Variants in KCNT2 observed in about 807,000 individuals in gnomAD.
KCNT2 encodes the protein potassium sodium-activated channel subfamily T member 2.
A neutral mutation model predicts 153.8 loss-of-function variants in KCNT2; 67 were observed. The ratio of observed to expected loss-of-function variants is 0.44; its 90% CI spans 0.36 to 0.53. The LOEUF (loss-of-function observed/expected upper bound fraction) is 0.53, where lower values mean the gene tolerates loss of function less well. KCNT2 is among the 20% of genes least tolerant of loss of function. The pLI, the probability that KCNT2 is intolerant of heterozygous loss-of-function variation, is 0.00. For missense variants in KCNT2, 975 were observed against 1,354.8 expected, an observed-to-expected ratio of 0.72 and a Z score of 4.40; for synonymous variants, 500 against 458.8, an observed-to-expected ratio of 1.09 and a Z score of -1.15.
chr1:196,497,184 T>C (rs1377167370), intron 1 of KCNT2, among the ~76,000 whole-genome samples: 1 of 152,188 alleles, frequency 6.6e-6, no homozygotes, highest in Non-Finnish European at 1.5e-5. Flanking sequence ...ATTCAACTAG[T>C]TGCAGATAGG....
chr1:196,538,586 A>G (rs1655923069), intron 1 of KCNT2, among the ~76,000 whole-genome samples: 1 of 152,178 alleles, frequency 6.6e-6, no homozygotes, highest in Non-Finnish European at 1.5e-5. Flanking sequence ...GCATGAGCTC[A>G]GGTGGGTGAT....
At chr1:196,370,898 A>G (rs1315158827) in intron 14 of KCNT2, among the ~76,000 whole-genome samples, 1 of 152,122 alleles carries the variant, frequency 6.6e-6, no homozygotes, top group Non-Finnish European at 1.5e-5. Flanking sequence ...GCATATTACA[A>G]TATGAATGAA....
At chr1:196,506,772 T>A (rs535389259) in intron 1 of KCNT2, among the ~76,000 whole-genome samples, 5 of 152,282 alleles carry the variant, frequency 3.3e-5, no homozygotes, top group South Asian at 2.1e-4. Context: ...ATAATTTAAT[T>A]CATTAACAGG....
intron 1 of KCNT2, among the ~76,000 whole-genome samples, chr1:196,496,856 G>A (rs565113743): frequency 6.6e-6 from 1 of 152,276 alleles, no homozygotes; most frequent in Admixed American, 6.5e-5. Context: ...GCATATGGGA[G>A]GAAACTGCAG....
At chr1:196,357,687 G>A (rs1224240677) in intron 14 of KCNT2, among the ~76,000 whole-genome samples, 1 of 151,872 alleles carries the variant, frequency 6.6e-6, no homozygotes, top group Admixed American at 6.6e-5. Context: ...ATGGCTAGTA[G>A]AGGTAGTATT....
chr1:196,556,267 A>G (rs1658645201), intron 1 of KCNT2, among the ~76,000 whole-genome samples: 1 of 151,476 alleles, frequency 6.6e-6, no homozygotes, highest in Admixed American at 6.6e-5. Context: ...AGAGATTAAT[A>G]ACCAAAATAT....
chr1:196,333,614 G>A (rs1392741270), intron 17 of KCNT2, among the ~76,000 whole-genome samples: 2 of 152,022 alleles, frequency 1.3e-5, no homozygotes, highest in South Asian at 4.1e-4. Context: ...AGAGCAAAAT[G>A]AGACTGGAAA....
At chr1:196,428,831 T>A (rs1193146450) in intron 9 of KCNT2, among the ~76,000 whole-genome samples, 1 of 152,100 alleles carries the variant, frequency 6.6e-6, no homozygotes, top group Non-Finnish European at 1.5e-5. Context: ...CAAGTTTGAT[T>A]TGCATTTCCC....
intron 13 of KCNT2, among the ~76,000 whole-genome samples, chr1:196,376,576 T>G (rs1668986532): frequency 2.0e-5 from 3 of 151,938 alleles, no homozygotes; most frequent in Admixed American, 2.0e-4. Flanking sequence ...CAAACTCTGA[T>G]GTTCTTTCCT....
intron 1 of KCNT2, among the ~76,000 whole-genome samples, chr1:196,549,902 C>A (rs539001005): frequency 6.6e-6 from 1 of 151,826 alleles, no homozygotes; most frequent in Non-Finnish European, 1.5e-5. Context: ...CTCTAAGTTT[C>A]GGATGCCTTA....
At chr1:196,562,368 A>T (rs1659527472) in intron 1 of KCNT2, among the ~76,000 whole-genome samples, 1 of 151,928 alleles carries the variant, frequency 6.6e-6, no homozygotes, top group Non-Finnish European at 1.5e-5. Flanking sequence ...AAAAGGAAGG[A>T]GGGTATGTTG....
chr1:196,411,461 A>AC (rs1038265538), intron 12 of KCNT2, among the ~76,000 whole-genome samples: 2 of 149,946 alleles, frequency 1.3e-5, no homozygotes, highest in African/African-American at 2.5e-5. Flanking sequence ...AAAAAAAAAA[A>AC]AAAAAAAACG....
intron 5 of KCNT2, among the ~76,000 whole-genome samples, chr1:196,478,126 T>C (rs919024968): frequency 6.6e-6 from 1 of 152,252 alleles, no homozygotes; most frequent in African/African-American, 2.4e-5. Flanking sequence ...ATTAGAATGC[T>C]ATGAATTTCC....
At chr1:196,569,646 G>A (rs1404026208) in intron 1 of KCNT2, among the ~76,000 whole-genome samples, 1 of 152,022 alleles carries the variant, frequency 6.6e-6, no homozygotes. Flanking sequence ...TGCTGAGGGA[G>A]TTCAGACTTC....
At chr1:196,345,175 C>T in intron 14 of KCNT2, among the ~76,000 whole-genome samples, 1 of 152,002 alleles carries the variant, frequency 6.6e-6, no homozygotes, top group Admixed American at 6.6e-5. Flanking sequence ...TGGGAGAGGG[C>T]CAACAATAAA....
At chr1:196,303,600 T>C (rs1661380554) in intron 22 of KCNT2, among the ~76,000 whole-genome samples, 1 of 152,198 alleles carries the variant, frequency 6.6e-6, no homozygotes. Flanking sequence ...TAGTACCATT[T>C]ATTTGAGTAC....
chr1:196,237,937 C>T (rs752413976), intron 26 of KCNT2, among the ~76,000 whole-genome samples: 1 of 151,744 alleles, frequency 6.6e-6, no homozygotes, highest in African/African-American at 2.4e-5. Context: ...TTCATATGTG[C>T]TTTTTGAGAA....
intron 26 of KCNT2, among the ~76,000 whole-genome samples, chr1:196,251,986 T>G (rs1558067596): frequency 6.6e-6 from 1 of 151,984 alleles, no homozygotes; most frequent in East Asian, 1.9e-4. Context: ...GGCGTTTTGC[T>G]TTCTTTAATG....
intron 23 of KCNT2, among the ~76,000 whole-genome samples, chr1:196,283,416 C>T (rs993392037): frequency 2.1e-4 from 32 of 151,950 alleles, no homozygotes; most frequent in African/African-American, 7.7e-4. Flanking sequence ...GCCTGGGCAA[C>T]AGAGCAAGAC....
Sources: gnomAD v4.1 joint callset for allele counts (sites outside exome capture counted in the v4.1 genomes callset) on GRCh38, gnomAD v4.1.1 for gene constraint, MANE v1.5 for transcripts, NCBI Gene and HGNC (gene_info 2026-07-23, HGNC 2026-07-21) for gene names.